Variants in SLC37A2 observed in about 807,000 individuals in gnomAD.
SLC37A2 encodes glucose-6-phosphate exchanger SLC37A2.
In SLC37A2, 59 loss-of-function variants were observed where a neutral mutation model predicts 70.7. The ratio of observed to expected loss-of-function variants is 0.83; its 90% confidence interval spans 0.68 to 1.04. The LOEUF (loss-of-function observed/expected upper bound fraction) is 1.04, where lower values mean the gene tolerates loss of function less well. Ranked by LOEUF, SLC37A2 falls within the 50% of genes least tolerant of loss-of-function variation. The pLI is 0.00. For missense variants in SLC37A2, 580 were observed against 658.1 expected, an observed-to-expected ratio of 0.88 and a Z score of 1.30; for synonymous variants, 257 against 262.1, an observed-to-expected ratio of 0.98 and a Z score of 0.19.
intron 1 of SLC37A2, among the ~76,000 whole-genome samples, chr11:125,071,802 G>A (rs1389321723): frequency 7.2e-6 from 1 of 139,638 alleles, no homozygotes; most frequent in Non-Finnish European, 1.5e-5. Context: ...GTTCCTGGCT[G>A]GCCTTTTCCT....
chr11:125,070,067 C>T (rs896487427), intron 1 of SLC37A2, among the ~76,000 whole-genome samples: 15 of 152,272 alleles, frequency 9.9e-5, no homozygotes, highest in East Asian at 1.9e-4. Flanking sequence ...TGGCCCAGAA[C>T]GTGCAGAAGA....
At chr11:125,072,098 C>T (rs374177932) in intron 1 of SLC37A2, among the ~76,000 whole-genome samples, 2 of 152,116 alleles carry the variant, frequency 1.3e-5, no homozygotes, top group Middle Eastern at 3.2e-3. Context: ...CAGCGTCCCT[C>T]TGCTGGGCTG....
intron 4 of SLC37A2, among the ~76,000 whole-genome samples, chr11:125,078,776 G>T (rs1949116270): frequency 7.1e-6 from 1 of 141,644 alleles, no homozygotes; most frequent in Non-Finnish European, 1.5e-5. Flanking sequence ...AGACAGATCA[G>T]GCCTGAAGAT....
Position 125,063,435 on chromosome 11 carries a change from G to T in SLC37A2, c.59+9G>T. 1 of 1,609,616 alleles carries T rather than the reference G, an allele frequency of 6.2e-7. No individual in the cohort carries two copies. The highest frequency in any genetic ancestry group is 1.7e-5 in the Admixed American group (1 of 59,664). On this transcript the variant is annotated intron_variant, in intron 1 of 17. Transcript: ENST00000403796. The surrounding 1 kb of genome is among the most constrained non-coding windows in gnomAD (Gnocchi z 5.4). ...TTCTCCAGGGACAGCTGGTGAGCGG[G>T]GCAGGGGAGGGAGGCGTGCCGGGAC... is the stretch of plus-strand genomic sequence containing the variant.
In SLC37A2 at chr11:125,080,755, C is replaced by T. The variant is rs770746540; in HGVS notation, c.669C>T (p.Val223=). ...VPGIITAVMG[V]ITFLFLIEHP... is the part of the protein sequence containing the mutation. ...GCATCATTACTGCCGTCATGGGCGT[C>T]ATCACCTTCCTCTTCCTCATCGAAC... Residue 223 remains valine, a synonymous_variant, in exon 7 of 18, where the codon GTC becomes GTT. Coordinates refer to ENST00000403796, the MANE Select transcript of SLC37A2 (RefSeq NM_001145290.2). This position sits in a 1 kb window ranked among gnomAD's most constrained non-coding sequence, Gnocchi z 4.3. 2.0e-6 allele frequency: 3 copies of T among 1,515,928 alleles called. No homozygotes were observed. The highest frequency in any genetic ancestry group is 2.6e-5 in the South Asian group (2 of 77,412). 93.9% of individuals were successfully genotyped at this position (1,515,928 alleles called of 1,614,324 possible). A position where few individuals can be genotyped will look rare whatever the true frequency, so the allele number is the denominator to read the frequency against.
intron 1 of SLC37A2, among the ~76,000 whole-genome samples, chr11:125,075,675 C>T (rs958958261): frequency 2.0e-5 from 3 of 152,228 alleles, no homozygotes; most frequent in East Asian, 1.9e-4. Context: ...ATTCAGCCTT[C>T]GCTGAAATGC....
intron 1 of SLC37A2, among the ~76,000 whole-genome samples, chr11:125,064,210 C>T (rs2135555881): frequency 6.6e-6 from 1 of 152,226 alleles, no homozygotes; most frequent in Admixed American, 6.5e-5. Context: ...CAATAGACGA[C>T]GTGGACCGGG....
In SLC37A2 at chr11:125,085,137, C is replaced by T. The variant is rs373599590; in HGVS notation, c.1246C>T (p.Leu416=). The T allele has an allele frequency of 5.2e-5, 84 of 1,613,530 alleles. No individual in the cohort carries two copies. Among genetic ancestry groups the T allele is most frequent in the Non-Finnish European group, 6.9e-5 (81 of 1,179,790 alleles). The change falls in exon 14 of 18, where the codon CTG becomes TTG. Residue 416 remains leucine (L), a splice_region_variant and synonymous_variant. Transcript: ENST00000403796. ...ALITTAVSAD[L]GTHKSLKGNA... ...CATCACCACTGCTGTCTCTGCTGAT[C>T]TGGTGAGTGGGGCCACCTCCCGAGG...
chr11:125,071,009 TG>T (rs1949024356), intron 1 of SLC37A2, among the ~76,000 whole-genome samples: 1 of 152,186 alleles, frequency 6.6e-6, no homozygotes, highest in Non-Finnish European at 1.5e-5. Context: ...CTGTATCAAC[TG>T]AGAGCTGGGG....
In SLC37A2 at chr11:125,077,201, C is replaced by A. The variant is rs1398143951; in HGVS notation, c.142-29C>A. The A allele has an allele frequency of 3.2e-6, 5 of 1,538,564 alleles. No individual in the cohort carries two copies. The Admixed American group carries it at 9.9e-5, about 30-fold the overall frequency. ...TGCTTGCTCCCCTCTGGGTCAACCC[C>A]TGACCTGTATGTCCCATTGCCTATC... On this transcript the variant is annotated intron_variant, in intron 2 of 17. Transcript: ENST00000403796.
At position 125,080,033 on chromosome 11, in the gene SLC37A2, C is replaced by T. The variant is rs1949130090; in HGVS notation, c.527+273C>T. 6.6e-6 allele frequency among the ~76,000 whole-genome samples: 1 copy of T among 152,166 alleles called. No homozygotes were observed. The highest frequency in any genetic ancestry group is 1.5e-5 in the Non-Finnish European group (1 of 68,036). On this transcript the variant is annotated intron_variant, in intron 6 of 17. Coordinates refer to ENST00000403796, the MANE Select transcript of SLC37A2 (RefSeq NM_001145290.2). This position sits in a 1 kb window ranked among gnomAD's most constrained non-coding sequence, Gnocchi z 4.3. ...CAAAAAGAAGCCTATAAAACTTCCGCCCTGCCCCCCAACCCCGACCCCGAA... is the reference window on the plus strand; with the variant it reads ...CAAAAAGAAGCCTATAAAACTTCCGTCCTGCCCCCCAACCCCGACCCCGAA...
intron 12 of SLC37A2, 34 bp downstream of exon 12, chr11:125,084,353 A>G: frequency 6.2e-7 from 1 of 1,607,246 alleles, no homozygotes; most frequent in Non-Finnish European, 8.5e-7. Flanking sequence ...GTGCGAATGC[A>G]TGTGAGCAGG....
rs1565392195 is a variant in SLC37A2 at position 125,063,334 on chromosome 11, C to CCGT, written c.-31_-29dup. The CCGT allele has an allele frequency of 6.3e-7, 1 of 1,590,714 alleles. No individual in the cohort carries two copies. The highest frequency in any genetic ancestry group is 8.6e-7 in the Non-Finnish European group (1 of 1,163,492). On this transcript the variant is annotated 5_prime_UTR_variant, in exon 1 of 18. Coordinates refer to ENST00000403796, the MANE Select transcript of SLC37A2 (RefSeq NM_001145290.2). The surrounding 1 kb of genome is among the most constrained non-coding windows in gnomAD (Gnocchi z 5.4). ...CACGCGCCCAGCTCTGTAGCCTCCT[C>CCGT]CGTCGACTCAGCCTTAGGTACCGGT...
chr11:125,084,386 A>G (rs948270), intron 12 of SLC37A2, 67 bp downstream of exon 12: 933,032 of 1,508,728 alleles, frequency 0.62, 292,871 homozygotes, highest in African/African-American at 0.9. Flanking sequence ...CCTCTGGCCT[A>G]TGTGCACGTC....
At chr11:125,082,017 G>T in intron 9 of SLC37A2, 111 bp downstream of exon 9, 1 of 1,310,056 alleles carries the variant, frequency 7.6e-7, no homozygotes. Flanking sequence ...TCTTTATAGG[G>T]GAGGTGTAAG....
chr11:125,090,304 C>G lies in SLC37A2; in HGVS notation c.*2170C>G, dbSNP rs573067134. On this transcript the variant is annotated 3_prime_UTR_variant, in exon 18 of 18. Coordinates refer to ENST00000403796, the MANE Select transcript of SLC37A2 (RefSeq NM_001145290.2). Reference sequence around the variant, plus strand: ...CTGTATCTAACTAATCTGATGGGGACGTGGAGAACCTTTGTATCTAGCTCA... The same window carrying G: ...CTGTATCTAACTAATCTGATGGGGAGGTGGAGAACCTTTGTATCTAGCTCA... 1.3e-5 allele frequency: 2 copies of G among 152,144 alleles called. No individual in the cohort carries two copies. Among genetic ancestry groups the G allele is most frequent in the East Asian group, 1.9e-4 (1 of 5,194 alleles). The allele number at this position is 152,144 out of a possible 1,614,324, so 9.4% of individuals were successfully genotyped here. A position where few individuals can be genotyped will look rare whatever the true frequency, so the allele number is the denominator to read the frequency against.
intron 13 of SLC37A2, 74 bp downstream of exon 13, chr11:125,084,947 C>CG (rs964624192): frequency 1.4e-4 from 218 of 1,597,078 alleles, no homozygotes; most frequent in Admixed American, 1.7e-4. Flanking sequence ...GGCTGGCCCA[C>CG]GGGGGGCACT....
At chr11:125,073,555 G>A (rs1053447027) in intron 1 of SLC37A2, among the ~76,000 whole-genome samples, 1 of 152,252 alleles carries the variant, frequency 6.6e-6, no homozygotes, top group East Asian at 1.9e-4. Context: ...TCATCTAAGC[G>A]CCCTCTGGGC....
intron 1 of SLC37A2, among the ~76,000 whole-genome samples, chr11:125,073,930 C>A (rs1949054773): frequency 6.6e-6 from 1 of 152,210 alleles, no homozygotes; most frequent in African/African-American, 2.4e-5. Context: ...GACCTGGGAA[C>A]TCCCGCTCTC....
Sources: allele counts gnomAD v4.1 joint callset (sites outside exome capture counted in the v4.1 genomes callset), GRCh38; gene constraint gnomAD v4.1.1; non-coding constraint Gnocchi (gnomAD v3.1); transcripts MANE v1.5; gene names NCBI Gene and HGNC (gene_info 2026-07-23, HGNC 2026-07-21).